NRXN1: variants seen among roughly 807,000 people sequenced by gnomAD.
The protein encoded by NRXN1 is neurexin 1, also known as neurexin-1.
A neutral mutation model predicts 150.9 loss-of-function variants in NRXN1; 39 were observed. That is an observed-to-expected ratio of 0.26 (90% CI 0.20 to 0.34). NRXN1 has a LOEUF of 0.34. Ranked by LOEUF, NRXN1 falls within the 10% of genes least tolerant of loss-of-function variation. The pLI is 1.00. For synonymous variants in NRXN1, 924 were observed against 757.0 expected (o/e 1.22, Z -3.62); for missense variants, 1,815 against 1,949.9 (o/e 0.93, Z 1.30).
intron 5 of NRXN1, among the ~76,000 whole-genome samples, chr2:50,889,516 G>A (rs569609784): frequency 2.0e-5 from 3 of 151,732 alleles, no homozygotes; most frequent in African/African-American, 4.8e-5. Context: ...CTTTCTTTCC[G>A]ATTCTATCTG....
At chr2:50,535,012 T>A (rs1245409358) in intron 10 of NRXN1, among the ~76,000 whole-genome samples, 1 of 152,138 alleles carries the variant, frequency 6.6e-6, no homozygotes, top group Non-Finnish European at 1.5e-5. Flanking sequence ...TGCCCCCGAG[T>A]GTCATGTTAA....
intron 18 of NRXN1, among the ~76,000 whole-genome samples, chr2:50,131,237 T>C (rs1381880872): frequency 6.6e-6 from 1 of 152,200 alleles, no homozygotes; most frequent in Non-Finnish European, 1.5e-5. Context: ...CCTTTTCCAC[T>C]TAATTAATCA....
intron 1 of NRXN1, among the ~76,000 whole-genome samples, chr2:51,030,878 CCT>C (rs1491184412): frequency 4.1e-5 from 6 of 148,060 alleles, no homozygotes; most frequent in African/African-American, 7.6e-5. Flanking sequence ...TGTTAGAAAA[CCT>C]TTTTTTTTTT....
At chr2:50,160,242 TAAAA>T (rs971650825) in intron 18 of NRXN1, among the ~76,000 whole-genome samples, 1 of 151,768 alleles carries the variant, frequency 6.6e-6, no homozygotes, top group African/African-American at 2.4e-5. Context: ...AATGACAACT[TAAAA>T]AAAGGCTTTC....
chr2:50,837,711 T>C (rs1286684245), intron 5 of NRXN1, among the ~76,000 whole-genome samples: 1 of 152,056 alleles, frequency 6.6e-6, no homozygotes, highest in Non-Finnish European at 1.5e-5. Context: ...TATTTTAGCA[T>C]AAACCAGAAA....
chr2:50,835,124 T>A (rs575422097), intron 5 of NRXN1, among the ~76,000 whole-genome samples: 4 of 152,286 alleles, frequency 2.6e-5, no homozygotes, highest in African/African-American at 9.6e-5. Context: ...TGGGATGTCT[T>A]CTACCTCGTA....
At chr2:50,924,030 C>T (rs972762848) in intron 3 of NRXN1, among the ~76,000 whole-genome samples, 3 of 151,748 alleles carry the variant, frequency 2.0e-5, no homozygotes, top group African/African-American at 7.2e-5. Flanking sequence ...ATTGATAATT[C>T]ATAGTGTTTT....
intron 5 of NRXN1, among the ~76,000 whole-genome samples, chr2:50,707,912 G>A (rs1694661577): frequency 6.6e-6 from 1 of 152,076 alleles, no homozygotes; most frequent in Admixed American, 6.5e-5. Flanking sequence ...AGCTACAGAT[G>A]GATAATCTCC....
At chr2:50,839,531 A>G (rs1672574585) in intron 5 of NRXN1, among the ~76,000 whole-genome samples, 1 of 152,128 alleles carries the variant, frequency 6.6e-6, no homozygotes, top group South Asian at 2.1e-4. Flanking sequence ...TATTTAACTA[A>G]TTTTTGAAAC....
chr2:50,617,011 T>A (rs944763256), intron 8 of NRXN1, among the ~76,000 whole-genome samples: 1 of 152,166 alleles, frequency 6.6e-6, no homozygotes, highest in African/African-American at 2.4e-5. Context: ...AAAGCTGACC[T>A]ATTTGAAGTA....
rs193239687 is a variant in NRXN1, at chr2:50,618,469, A to T, written c.1320+1553T>A. On this transcript the variant is annotated intron_variant, in intron 8 of 22. Coordinates refer to ENST00000401669, the MANE Select transcript of NRXN1 (RefSeq NM_001330078.2). ...ATTTGTAAACATTGTTTTAGTTTGT[A>T]ACAAATTTGAGAGTTTGTACAATCT... 2.8e-3 allele frequency among the ~76,000 whole-genome samples: 433 copies of T among 152,196 alleles called. 2 individuals are homozygous for T. Among genetic ancestry groups the T allele is most frequent in the Non-Finnish European group, 5.2e-3 (351 of 68,020 alleles).
rs541308929 is a variant in NRXN1, at chr2:50,018,522, G to C, written c.4128+34749C>G. Among the ~76,000 whole-genome samples the C allele has an allele frequency of 1.2e-4, 19 of 152,214 alleles. No homozygotes were observed. In the East Asian group the frequency reaches 3.1e-3, roughly 25 times the overall value. ...CTGTGACTTCAGCATTTCATTACTT[G>C]CCATGTTCTCATCCTTTGTATTATT... On this transcript the variant is annotated intron_variant, in intron 21 of 22. Coordinates refer to ENST00000401669, the MANE Select transcript of NRXN1 (RefSeq NM_001330078.2).
chr2:50,744,242 A>G (rs895621679), intron 5 of NRXN1, among the ~76,000 whole-genome samples: 5 of 152,280 alleles, frequency 3.3e-5, no homozygotes, highest in Admixed American at 1.3e-4. Flanking sequence ...GGTAAAAACA[A>G]TAATATTTTA....
At position 50,857,818 on chromosome 2, in the gene NRXN1, T is replaced by A. The variant is rs1309182400; in HGVS notation, c.832+64051A>T. Among the ~76,000 whole-genome samples the A allele has an allele frequency of 2.6e-5, 4 of 151,598 alleles. No homozygotes were observed. The East Asian group carries it at 5.8e-4, about 22-fold the overall frequency. On this transcript the variant is annotated intron_variant, in intron 5 of 22. Coordinates refer to ENST00000401669, the MANE Select transcript of NRXN1 (RefSeq NM_001330078.2). The stretch of plus-strand genomic sequence containing the variant: ...CATAAAAGGCCTAATCAAAATAGAT[T>A]AAAAAAAACAGACAATGGAATAAAA...
chr2:50,996,661 C>A (rs1015784240), intron 2 of NRXN1, among the ~76,000 whole-genome samples: 2 of 151,804 alleles, frequency 1.3e-5, no homozygotes, highest in African/African-American at 2.4e-5. Flanking sequence ...TAGACTTCCA[C>A]CAGGGAAACC....
intron 17 of NRXN1, among the ~76,000 whole-genome samples, chr2:50,243,761 C>T (rs184985782): frequency 1.8e-3 from 268 of 151,844 alleles, no homozygotes; most frequent in African/African-American, 6.2e-3. Flanking sequence ...CTAGACTCCA[C>T]GGTAGACATT....
intron 8 of NRXN1, among the ~76,000 whole-genome samples, chr2:50,599,474 T>C (rs532555592): frequency 2.0e-5 from 3 of 152,304 alleles, no homozygotes; most frequent in African/African-American, 7.2e-5. Context: ...CAATGCCAAA[T>C]GCAGAATAAA....
intron 17 of NRXN1, among the ~76,000 whole-genome samples, chr2:50,339,047 C>T (rs1250823171): frequency 6.6e-6 from 1 of 152,104 alleles, no homozygotes; most frequent in African/African-American, 2.4e-5. Flanking sequence ...CCAAGACAGA[C>T]TAAACCACAT....
chr2:50,980,684 C>T (rs748581030), intron 2 of NRXN1, among the ~76,000 whole-genome samples: 8 of 151,898 alleles, frequency 5.3e-5, no homozygotes, highest in Non-Finnish European at 8.8e-5. Context: ...ATCAAAAAAT[C>T]CATAGATGCT....
Sources: allele counts gnomAD v4.1 joint callset (sites outside exome capture counted in the v4.1 genomes callset), GRCh38; gene constraint gnomAD v4.1.1; transcripts MANE v1.5; gene names NCBI Gene and HGNC (gene_info 2026-07-23, HGNC 2026-07-21).